RCAN2: variants seen among roughly 807,000 people sequenced by gnomAD.
RCAN2 encodes calcipressin-2.
Under a neutral mutation model 23.6 loss-of-function variants are expected in RCAN2, and 9 were observed. The observed-to-expected ratio is 0.38, with a 90% CI of 0.23 to 0.67. The LOEUF is 0.67. Among genes scored for constraint, RCAN2 ranks in the 30% least tolerant of loss-of-function variants. The probability of loss-of-function intolerance (pLI) is 0.51; values close to 1 mark genes in which losing one functional copy is unlikely to be tolerated. For missense variants in RCAN2, 273 were observed against 302.3 expected (o/e 0.90, Z 0.72); for synonymous variants, 109 against 115.7 (o/e 0.94, Z 0.37).
intron 2 of RCAN2, among the ~76,000 whole-genome samples, chr6:46,274,717 A>G (rs1296551461): frequency 6.6e-6 from 1 of 152,216 alleles, no homozygotes; most frequent in Non-Finnish European, 1.5e-5. Context: ...TAGAGCAGAC[A>G]TGGTTGTGTG....
At chr6:46,426,957 T>C (rs1185118915) in intron 2 of RCAN2, among the ~76,000 whole-genome samples, 1 of 152,188 alleles carries the variant, frequency 6.6e-6, no homozygotes, top group Non-Finnish European at 1.5e-5. Flanking sequence ...TTATTAAATA[T>C]GTGACCTCAA....
chr6:46,372,653 C>A lies in RCAN2; in HGVS notation c.225+84099G>T, dbSNP rs116630123. Among the ~76,000 whole-genome samples, 1,448 of 152,246 alleles carry A rather than the reference C, an allele frequency of 9.5e-3. 20 individuals carry two copies. The highest frequency in any genetic ancestry group is 0.033 in the African/African-American group (1,369 of 41,542). ...TCAGAATTATTTGAGATATGATAGTCCAGAAAGTGCCCTTGTCAATTATTT... is the reference window on the plus strand; with the variant it reads ...TCAGAATTATTTGAGATATGATAGTACAGAAAGTGCCCTTGTCAATTATTT... On this transcript the variant is annotated intron_variant, in intron 2 of 4. Coordinates refer to ENST00000371374, the MANE Select transcript of RCAN2 (RefSeq NM_001251974.2).
intron 2 of RCAN2, among the ~76,000 whole-genome samples, chr6:46,444,555 C>T (rs764184932): frequency 6.6e-6 from 1 of 152,168 alleles, no homozygotes; most frequent in Non-Finnish European, 1.5e-5. Context: ...CCCACAAAGT[C>T]CCAGGCTTTA....
chr6:46,311,035 G>A (rs946269980), intron 2 of RCAN2, among the ~76,000 whole-genome samples: 1 of 152,056 alleles, frequency 6.6e-6, no homozygotes, highest in Non-Finnish European at 1.5e-5. Flanking sequence ...ACATGCTTTA[G>A]GTACATTCTT....
intron 2 of RCAN2, among the ~76,000 whole-genome samples, chr6:46,420,550 T>TG (rs1358748014): frequency 1.3e-5 from 2 of 151,318 alleles, no homozygotes; most frequent in African/African-American, 4.9e-5. Flanking sequence ...TTAACTTTTT[T>TG]TTTTTTTTTT....
intron 2 of RCAN2, among the ~76,000 whole-genome samples, chr6:46,409,551 A>T (rs1389320222): frequency 6.6e-6 from 1 of 152,206 alleles, no homozygotes; most frequent in African/African-American, 2.4e-5. Flanking sequence ...GTTTGCAACC[A>T]TGAAAGTACT....
At position 46,248,505 on chromosome 6, in the gene RCAN2, T is replaced by G. The variant is rs188576062; in HGVS notation, c.399+218A>C. Among the ~76,000 whole-genome samples, 310 of 152,134 alleles carry G rather than the reference T, an allele frequency of 2.0e-3. 1 individual carries two copies. Among genetic ancestry groups the G allele is most frequent in the Admixed American group, 4.8e-3 (73 of 15,274 alleles). ...TACAGATGAGAATAAGGAGCCCCAG[T>G]GAGGTTATGTAACTTGCTCTGGTAG... On this transcript the variant is annotated intron_variant, in intron 3 of 4. Coordinates refer to ENST00000371374, the MANE Select transcript of RCAN2 (RefSeq NM_001251974.2).
intron 2 of RCAN2, among the ~76,000 whole-genome samples, chr6:46,384,860 T>C (rs1765701442): frequency 1.3e-5 from 2 of 152,178 alleles, no homozygotes; most frequent in Admixed American, 6.6e-5. Context: ...CAAATGGATA[T>C]ATACATTCGT....
chr6:46,235,450 G>A (rs761649092), intron 4 of RCAN2, among the ~76,000 whole-genome samples: 28 of 152,110 alleles, frequency 1.8e-4, no homozygotes, highest in Non-Finnish European at 3.2e-4. Context: ...CTCATCATGA[G>A]CCCCAGTTCC....
intron 1 of RCAN2, among the ~76,000 whole-genome samples, chr6:46,481,492 C>T (rs1233545351): frequency 6.6e-6 from 1 of 152,052 alleles, no homozygotes; most frequent in Non-Finnish European, 1.5e-5. Context: ...TTGCAGTGTT[C>T]TCTAAATTGG....
chr6:46,483,169 A>G (rs1032209446), intron 1 of RCAN2, among the ~76,000 whole-genome samples: 1 of 152,212 alleles, frequency 6.6e-6, no homozygotes, highest in African/African-American at 2.4e-5. Flanking sequence ...GAGACATTCT[A>G]AGTTTCTTAA....
At chr6:46,338,739 A>G (rs563080036) in intron 2 of RCAN2, among the ~76,000 whole-genome samples, 1 of 152,176 alleles carries the variant, frequency 6.6e-6, no homozygotes, top group African/African-American at 2.4e-5. Context: ...TAGGCCAGAC[A>G]TGGTGGCTCA....
chr6:46,397,667 G>T (rs535387343), intron 2 of RCAN2, among the ~76,000 whole-genome samples: 4 of 152,096 alleles, frequency 2.6e-5, no homozygotes, highest in African/African-American at 7.2e-5. Flanking sequence ...CCCTTTACAT[G>T]TAAAAAAATA....
chr6:46,344,046 G>T (rs1345433044), intron 2 of RCAN2, among the ~76,000 whole-genome samples: 1 of 152,182 alleles, frequency 6.6e-6, no homozygotes, highest in Non-Finnish European at 1.5e-5. Context: ...CCTGGAACTG[G>T]GAGTGAAAAA....
At chr6:46,387,875 T>C (rs1396610598) in intron 2 of RCAN2, among the ~76,000 whole-genome samples, 1 of 152,140 alleles carries the variant, frequency 6.6e-6, no homozygotes, top group East Asian at 1.9e-4. Flanking sequence ...AATGATAGAC[T>C]GGATTAAGAA....
At position 46,222,852 on chromosome 6, in the gene RCAN2, C is replaced by T. The variant is rs564865518; in HGVS notation, c.*289G>A. ...TGCTATTTGTTACTGATGTCTCTGGCTTGGATCAACATGAGAGAACAAAGA... is the reference window on the plus strand; with the variant it reads ...TGCTATTTGTTACTGATGTCTCTGGTTTGGATCAACATGAGAGAACAAAGA... On this transcript the variant is annotated 3_prime_UTR_variant, in exon 5 of 5. Transcript: ENST00000371374. The T allele has an allele frequency of 1.5e-5, 5 of 332,866 alleles. No homozygotes were observed. The East Asian group carries it at 2.8e-4, about 18-fold the overall frequency. The allele number at this position is 332,866 out of a possible 1,614,324, so 20.6% of individuals were successfully genotyped here. A position where few individuals can be genotyped will look rare whatever the true frequency, so the allele number is the denominator to read the frequency against.
chr6:46,409,159 C>A (rs927252029), intron 2 of RCAN2, among the ~76,000 whole-genome samples: 1 of 152,034 alleles, frequency 6.6e-6, no homozygotes, highest in East Asian at 1.9e-4. Flanking sequence ...TTTAAAGAAA[C>A]GAAATGGTCT....
chr6:46,263,200 T>G (rs2150327443), intron 2 of RCAN2, among the ~76,000 whole-genome samples: 1 of 152,326 alleles, frequency 6.6e-6, no homozygotes, highest in African/African-American at 2.4e-5. Flanking sequence ...ACACTACCGT[T>G]TGATGAATTT....
intron 1 of RCAN2, among the ~76,000 whole-genome samples, chr6:46,458,590 T>C (rs1293100343): frequency 6.6e-6 from 1 of 152,112 alleles, no homozygotes; most frequent in Non-Finnish European, 1.5e-5. Flanking sequence ...AAAATACTTA[T>C]TTTAAATAAA....
Sources: gnomAD v4.1 joint callset for allele counts (sites outside exome capture counted in the v4.1 genomes callset) on GRCh38, gnomAD v4.1.1 for gene constraint, MANE v1.5 for transcripts, NCBI Gene and HGNC (gene_info 2026-07-23, HGNC 2026-07-21) for gene names.